ABCD3: variants seen among roughly 807,000 people sequenced by gnomAD.
ABCD3 encodes ATP binding cassette subfamily D member 3, also known as ATP-binding cassette sub-family D member 3.
ABCD3 carries 41 observed loss-of-function variants against 105.5 expected under a neutral mutation model. The observed-to-expected ratio is 0.39, with a 90% CI of 0.30 to 0.50. The LOEUF is 0.50. Among genes scored for constraint, ABCD3 ranks in the 20% least tolerant of loss-of-function variants. The pLI, the probability that ABCD3 is intolerant of heterozygous loss-of-function variation, is 0.84. For missense variants in ABCD3, 622 were observed against 806.3 expected (o/e 0.77, Z 2.77); for synonymous variants, 258 against 269.0 (o/e 0.96, Z 0.40).
At chr1:94,464,651 G>A in intron 2 of ABCD3, 124 bp from the exon 3 acceptor site, 5 of 823,686 alleles carry the variant, frequency 6.1e-6, no homozygotes, top group Non-Finnish European at 1.0e-5. Flanking sequence ...ATGCAAGTCT[G>A]TGTTTTGTAA....
chr1:94,493,924 T>C (rs1456297853), intron 16 of ABCD3, among the ~76,000 whole-genome samples: 1 of 151,686 alleles, frequency 6.6e-6, no homozygotes, highest in Non-Finnish European at 1.5e-5. Flanking sequence ...AAGGGGAACA[T>C]CACACTCTGG....
chr1:94,470,417 C>T (rs1042490644), intron 4 of ABCD3, among the ~76,000 whole-genome samples: 9 of 152,200 alleles, frequency 5.9e-5, no homozygotes, highest in Non-Finnish European at 1.2e-4. Context: ...TGTTGTGCAG[C>T]TCCAGGGTGG....
At chr1:94,506,467 A>G (rs1650355714) in intron 20 of ABCD3, 71 bp from the exon 21 acceptor site, 4 of 877,262 alleles carry the variant, frequency 4.6e-6, no homozygotes, top group South Asian at 1.3e-5. Context: ...CATATTTAAC[A>G]TAAGTTTGTT....
At position 94,467,957 on chromosome 1, in the gene ABCD3, T is replaced by G. The variant is rs1648233206; in HGVS notation, c.285T>G (p.Ser95=). The G allele has an allele frequency of 2.5e-6, 4 of 1,613,628 alleles. No homozygotes were observed. In the African/African-American group the frequency reaches 5.3e-5, roughly 22 times the overall value. The change falls in exon 4 of 23, where the codon TCT becomes TCG. Residue 95 remains serine, a synonymous_variant. Transcript: ENST00000370214. ...TACTTATTGCTGTTATGCTGGTGTC[T>G]CGAACATATTGTGATGTTTGGATGA... ...YLVLIAVMLV[S]RTYCDVWMIQ...
At chr1:94,489,479 G>A (rs1200504618) in intron 13 of ABCD3, among the ~76,000 whole-genome samples, 1 of 151,950 alleles carries the variant, frequency 6.6e-6, no homozygotes, top group Non-Finnish European at 1.5e-5. Flanking sequence ...GCCTTGACTT[G>A]GCTATTAATG....
chr1:94,391,774 A>C, the ABCD3 span, among the ~76,000 whole-genome samples: 1 of 152,218 alleles, frequency 6.6e-6, no homozygotes, highest in Non-Finnish European at 1.5e-5. Context: ...TCCTCAAAAA[A>C]AAGTTACAAA....
At chr1:94,460,548 C>T (rs1161240849) in intron 2 of ABCD3, among the ~76,000 whole-genome samples, 1 of 151,982 alleles carries the variant, frequency 6.6e-6, no homozygotes, top group Admixed American at 6.6e-5. Context: ...AATAAGTTTC[C>T]ACCCTCATGG....
chr1:94,501,666 A>T (rs1055050207), intron 20 of ABCD3, among the ~76,000 whole-genome samples: 1 of 152,172 alleles, frequency 6.6e-6, no homozygotes, highest in East Asian at 1.9e-4. Flanking sequence ...AATTTGGGAT[A>T]TCTTGTGTTT....
chr1:94,497,668 CTT>C (rs1280595302), intron 16 of ABCD3, among the ~76,000 whole-genome samples: 1 of 152,128 alleles, frequency 6.6e-6, no homozygotes, highest in African/African-American at 2.4e-5. Context: ...TGATAAAACA[CTT>C]ATAATTTCTA....
intron 21 of ABCD3, chr1:94,514,761 C>G (rs1650849065): frequency 1.1e-5 from 2 of 182,592 alleles, no homozygotes; most frequent in South Asian, 2.4e-4. Flanking sequence ...GGATTATGAC[C>G]CTGTATTTGA....
intron 5 of ABCD3, 42 bp downstream of exon 5, chr1:94,473,877 T>G: frequency 4.0e-6 from 6 of 1,481,666 alleles, no homozygotes; most frequent in Non-Finnish European, 5.7e-6. Context: ...ACGGGAAATT[T>G]GCATCTTATT....
the ABCD3 span, among the ~76,000 whole-genome samples, chr1:94,405,716 C>T: frequency 1.3e-5 from 2 of 152,040 alleles, no homozygotes; most frequent in African/African-American, 4.8e-5. Context: ...GTTTAAAGAC[C>T]AGCTTTTGTA....
the ABCD3 span, among the ~76,000 whole-genome samples, chr1:94,409,264 G>A: frequency 1.3e-5 from 2 of 152,050 alleles, no homozygotes; most frequent in Non-Finnish European, 2.9e-5. Flanking sequence ...TTGCAACGAT[G>A]AATACCACAT....
rs1651020336 is a variant in ABCD3, at chr1:94,518,313, T to G, written c.*1184T>G. 6.6e-6 allele frequency: 1 copy of G among 152,230 alleles called. No homozygotes were observed. The highest frequency in any genetic ancestry group is 2.4e-5 in the African/African-American group (1 of 41,414). The allele number at this position is 152,230 out of a possible 1,614,324, so 9.4% of individuals were successfully genotyped here. A position where few individuals can be genotyped will look rare whatever the true frequency, so the allele number is the denominator to read the frequency against. ...TAGATACGAAATCAGTTTCTCAAACTGAGCTTCAGAAAGGGGCATTTTGTA... is the reference window on the plus strand; with the variant it reads ...TAGATACGAAATCAGTTTCTCAAACGGAGCTTCAGAAAGGGGCATTTTGTA... On this transcript the variant is annotated 3_prime_UTR_variant, in exon 23 of 23. Coordinates refer to ENST00000370214, the MANE Select transcript of ABCD3 (RefSeq NM_002858.4).
chr1:94,458,230 T>G (rs1024836876), intron 1 of ABCD3, among the ~76,000 whole-genome samples: 1 of 152,210 alleles, frequency 6.6e-6, no homozygotes, highest in Non-Finnish European at 1.5e-5. Context: ...ATGCACATTT[T>G]CCAAGCCTCT....
intron 4 of ABCD3, among the ~76,000 whole-genome samples, chr1:94,471,937 G>A (rs1279272517): frequency 6.6e-6 from 1 of 152,062 alleles, no homozygotes; most frequent in Non-Finnish European, 1.5e-5. Context: ...AATCTTAATA[G>A]GAAAGACACC....
upstream of ABCD3, chr1:94,418,371 C>T: frequency 5.9e-6 from 6 of 1,011,566 alleles, no homozygotes; most frequent in South Asian, 8.4e-5. Flanking sequence ...CGCGGCCGGC[C>T]CCGCCCTCTG....
the ABCD3 span, among the ~76,000 whole-genome samples, chr1:94,388,892 T>C: frequency 6.6e-6 from 1 of 152,150 alleles, no homozygotes; most frequent in African/African-American, 2.4e-5. Flanking sequence ...CAACTGTTGC[T>C]CAATCCCACC....
At chr1:94,454,994 ATAAAT>A (rs1462206088) in intron 1 of ABCD3, among the ~76,000 whole-genome samples, 1 of 152,206 alleles carries the variant, frequency 6.6e-6, no homozygotes, top group Non-Finnish European at 1.5e-5. Context: ...CATTTTGATG[ATAAAT>A]TAAAAATAAA....
Sources: gnomAD v4.1 joint callset for allele counts (sites outside exome capture counted in the v4.1 genomes callset) on GRCh38, gnomAD v4.1.1 for gene constraint, MANE v1.5 for transcripts, NCBI Gene and HGNC (gene_info 2026-07-23, HGNC 2026-07-21) for gene names.